Variants in TMEM132D observed in about 807,000 individuals in gnomAD.
TMEM132D encodes transmembrane protein 132D, also known as mature OL transmembrane protein.
A neutral mutation model predicts 62.3 loss-of-function variants in TMEM132D; 21 were observed. The observed-to-expected ratio is 0.34, with a 90% CI of 0.24 to 0.49. The LOEUF (loss-of-function observed/expected upper bound fraction) is 0.49, where lower values mean the gene tolerates loss of function less well. Among genes scored for constraint, TMEM132D ranks in the 20% least tolerant of loss-of-function variants. TMEM132D has a pLI of 0.99. For missense variants in TMEM132D, 1,346 were observed against 1,402.8 expected (o/e 0.96, Z 0.65); for synonymous variants, 621 against 575.6 (o/e 1.08, Z -1.13).
At chr12:129,871,551 C>A (rs1421667043) in intron 1 of TMEM132D, among the ~76,000 whole-genome samples, 3 of 152,018 alleles carry the variant, frequency 2.0e-5, no homozygotes, top group African/African-American at 4.8e-5. Context: ...GAAAAATACA[C>A]CAAGTCGAAA....
At chr12:129,364,135 A>C (rs1320456137) in intron 3 of TMEM132D, among the ~76,000 whole-genome samples, 1 of 152,208 alleles carries the variant, frequency 6.6e-6, no homozygotes, top group Non-Finnish European at 1.5e-5. Context: ...AAGCAGTGAA[A>C]TGTAGTGGTT....
chr12:129,131,076 G>A (rs1876361178), intron 5 of TMEM132D, among the ~76,000 whole-genome samples: 1 of 152,118 alleles, frequency 6.6e-6, no homozygotes, highest in South Asian at 2.1e-4. Flanking sequence ...GAGACCTACT[G>A]GCAAGATCAT....
At chr12:129,814,199 G>A (rs564708708) in intron 1 of TMEM132D, among the ~76,000 whole-genome samples, 1 of 152,136 alleles carries the variant, frequency 6.6e-6, no homozygotes, top group Admixed American at 6.5e-5. Context: ...AGTTACCAGA[G>A]GCCAGGAAGG....
rs562646277 is a variant in TMEM132D, at chr12:129,520,601, G to A, written c.1115+10458C>T. ...ACACGATAAATATTGTGAAAAGATTGTTATTGTCAGAGTTTCAGGAAACCT... is the reference window on the plus strand; with the variant it reads ...ACACGATAAATATTGTGAAAAGATTATTATTGTCAGAGTTTCAGGAAACCT... On this transcript the variant is annotated intron_variant, in intron 3 of 8. Coordinates refer to ENST00000422113, the MANE Select transcript of TMEM132D (RefSeq NM_133448.3). Among the ~76,000 whole-genome samples the A allele has an allele frequency of 7.2e-5, 11 of 152,244 alleles. No individual in the cohort carries two copies. The South Asian group carries it at 2.1e-3, about 29-fold the overall frequency.
At chr12:129,224,498 C>A (rs1057382308) in intron 4 of TMEM132D, among the ~76,000 whole-genome samples, 5 of 152,222 alleles carry the variant, frequency 3.3e-5, no homozygotes, top group Admixed American at 6.5e-5. Flanking sequence ...CCACTGTATA[C>A]AGTGAGCTTT....
At chr12:129,408,274 CAT>C (rs760747773) in intron 3 of TMEM132D, among the ~76,000 whole-genome samples, 58 of 152,108 alleles carry the variant, frequency 3.8e-4, no homozygotes, top group Non-Finnish European at 4.1e-4. Flanking sequence ...CTATTTTAAG[CAT>C]CTGTTTTTCT....
intron 3 of TMEM132D, among the ~76,000 whole-genome samples, chr12:129,344,067 G>T (rs540248800): frequency 6.6e-6 from 1 of 152,304 alleles, no homozygotes; most frequent in South Asian, 2.1e-4. Context: ...TAGGGTGGAC[G>T]CCTTCCTCCT....
At chr12:129,341,048 T>C (rs1429387522) in intron 3 of TMEM132D, among the ~76,000 whole-genome samples, 1 of 152,242 alleles carries the variant, frequency 6.6e-6, no homozygotes, top group African/African-American at 2.4e-5. Flanking sequence ...ATCACATGTA[T>C]CTTAGTGTGA....
chr12:129,422,167 C>T (rs1442045830), intron 3 of TMEM132D, among the ~76,000 whole-genome samples: 3 of 149,402 alleles, frequency 2.0e-5, no homozygotes, highest in East Asian at 2.0e-4. Flanking sequence ...TTTAAGGGAA[C>T]GTTTACATAT....
rs2135602390 is a variant in TMEM132D, at chr12:129,074,262, T to C, written c.2913A>G (p.Thr971=). ...AGTTGATGTGATTCTCCAACAGCTCTGTCCGGTTGCTTAACCCAACCCAGT... is the reference window on the plus strand; with the variant it reads ...AGTTGATGTGATTCTCCAACAGCTCCGTCCGGTTGCTTAACCCAACCCAGT... The part of the protein sequence containing the change: ...SHDWVGLSNR[T]ELLENHINFA... The change falls in exon 9 of 9, where the codon ACA becomes ACG. Residue 971 remains threonine (T), a synonymous_variant. Coordinates refer to ENST00000422113, the MANE Select transcript of TMEM132D (RefSeq NM_133448.3). 6.2e-7 allele frequency: 1 copy of C among 1,614,178 alleles called. No homozygotes were observed. Among genetic ancestry groups the C allele is most frequent in the Non-Finnish European group, 8.5e-7 (1 of 1,180,030 alleles).
chr12:129,580,898 T>C (rs929431573), intron 2 of TMEM132D, among the ~76,000 whole-genome samples: 4 of 152,166 alleles, frequency 2.6e-5, no homozygotes, highest in African/African-American at 9.7e-5. Flanking sequence ...TAATGATTAA[T>C]GATTTATAGT....
intron 1 of TMEM132D, among the ~76,000 whole-genome samples, chr12:129,802,800 C>T (rs375745879): frequency 6.6e-5 from 10 of 151,084 alleles, no homozygotes; most frequent in Admixed American, 2.0e-4. Context: ...ACCCATCTCA[C>T]GTGCAGAGAC....
At position 129,903,558 on chromosome 12, in the gene TMEM132D, A is replaced by C; in HGVS notation, c.-219T>G. 1 of 571,126 alleles carries C rather than the reference A, an allele frequency of 1.8e-6. No individual in the cohort carries two copies. Among genetic ancestry groups the C allele is most frequent in the Non-Finnish European group, 3.1e-6 (1 of 320,652 alleles). 35.4% of individuals were successfully genotyped at this position (571,126 alleles called of 1,614,324 possible). A position where few individuals can be genotyped will look rare whatever the true frequency, so the allele number is the denominator to read the frequency against. On this transcript the variant is annotated 5_prime_UTR_variant, in exon 1 of 9. Coordinates refer to ENST00000422113, the MANE Select transcript of TMEM132D (RefSeq NM_133448.3). The surrounding 1 kb of genome is among the most constrained non-coding windows in gnomAD (Gnocchi z 6.2). ...CTCCTGAGTTGCTCTCCGGAGTCCA[A>C]CACGCGCGCAGGCAAACCCCACCTC...
At chr12:129,739,212 TCTG>T (rs1869522421) in intron 1 of TMEM132D, among the ~76,000 whole-genome samples, 2 of 152,308 alleles carry the variant, frequency 1.3e-5, no homozygotes, top group South Asian at 4.1e-4. Context: ...CCTGCCCTGC[TCTG>T]CTTTCAATTC....
At chr12:129,769,215 C>T (rs1870649290) in intron 1 of TMEM132D, among the ~76,000 whole-genome samples, 1 of 152,128 alleles carries the variant, frequency 6.6e-6, no homozygotes, top group African/African-American at 2.4e-5. Flanking sequence ...AAAGACATAC[C>T]TGAGACTGGC....
rs144572784 is a variant in TMEM132D at position 129,237,834 on chromosome 12, G to T, written c.1300-28171C>A. Among the ~76,000 whole-genome samples, 82 of 152,218 alleles carry T rather than the reference G, an allele frequency of 5.4e-4. 1 individual carries two copies. In the East Asian group the frequency reaches 0.015, roughly 28 times the overall value. The stretch of plus-strand genomic sequence containing the variant: ...TCTCTACTAAAAAATTCAAAAATTA[G>T]CTGGGCACGGTGGCAGGAACCTGTA... On this transcript the variant is annotated intron_variant, in intron 4 of 8. Coordinates refer to ENST00000422113, the MANE Select transcript of TMEM132D (RefSeq NM_133448.3).
intron 3 of TMEM132D, among the ~76,000 whole-genome samples, chr12:129,491,203 G>A (rs959136578): frequency 2.0e-5 from 3 of 152,164 alleles, no homozygotes; most frequent in African/African-American, 4.8e-5. Flanking sequence ...CTGAAAAGTC[G>A]CTAACGAACA....
intron 2 of TMEM132D, among the ~76,000 whole-genome samples, chr12:129,608,440 T>G (rs931008489): frequency 6.6e-6 from 1 of 152,134 alleles, no homozygotes. Context: ...CTAAAAAGGG[T>G]ACCAAGGCTC....
intron 4 of TMEM132D, among the ~76,000 whole-genome samples, chr12:129,318,395 G>T (rs1372682924): frequency 6.6e-6 from 1 of 152,132 alleles, no homozygotes; most frequent in Non-Finnish European, 1.5e-5. Flanking sequence ...GAGCCAAACT[G>T]CAGTGATTAT....
Sources: allele counts gnomAD v4.1 joint callset (sites outside exome capture counted in the v4.1 genomes callset), GRCh38; gene constraint gnomAD v4.1.1; non-coding constraint Gnocchi (gnomAD v3.1); transcripts MANE v1.5; gene names NCBI Gene and HGNC (gene_info 2026-07-23, HGNC 2026-07-21).